The following GYPB variants were observed in gnomAD, a reference collection of about 807,000 sequenced individuals.
The protein encoded by GYPB is glycophorin B (MNS blood group), also known as glycophorin-B.
In GYPB, 13 loss-of-function variants were observed where a neutral mutation model predicts 15.3. The ratio of observed to expected loss-of-function variants is 0.85; its 90% CI spans 0.55 to 1.35. GYPB has a LOEUF of 1.35. GYPB is among the 40% of genes most tolerant of loss of function. The pLI is 0.00. For synonymous variants in GYPB, 38 were observed against 36.9 expected, an observed-to-expected ratio of 1.03 and a Z score of -0.11; for missense variants, 131 against 108.3, an observed-to-expected ratio of 1.21 and a Z score of -0.93.
At chr4:144,003,715 ACTT>A (rs1390341575) in intron 1 of GYPB, among the ~76,000 whole-genome samples, 1 of 151,404 alleles carries the variant, frequency 6.6e-6, no homozygotes, top group Non-Finnish European at 1.5e-5. Context: ...AAATAGGTAG[ACTT>A]CTTTGTTCTT....
intron 1 of GYPB, chr4:144,016,753 C>A (rs1026461147): frequency 2.3e-5 from 9 of 386,804 alleles, no homozygotes; most frequent in African/African-American, 1.7e-4. Context: ...GCTTCAGAAT[C>A]TGATTTTCAG....
At chr4:143,997,860 G>A (rs962785300) in intron 3 of GYPB, among the ~76,000 whole-genome samples, 2 of 151,316 alleles carry the variant, frequency 1.3e-5, no homozygotes, top group Non-Finnish European at 2.9e-5. Context: ...TCGCAAAATA[G>A]TTGATGACAG....
At position 143,999,360 on chromosome 4, in the gene GYPB, T is replaced by C. The variant is rs1579047336; in HGVS notation, c.175+51A>G. 1.4e-5 allele frequency: 13 copies of C among 950,622 alleles called. No homozygotes were observed. In the East Asian group the frequency reaches 2.9e-4, roughly 21 times the overall value. The allele number at this position is 950,622 out of a possible 1,614,324, so 58.9% of individuals were successfully genotyped here. The stretch of plus-strand genomic sequence containing the variant: ...TTTCTTAGGCATTTGAAACAAGCAA[T>C]GGATAGTTTAAAATGGAATGACTTT... On this transcript the variant is annotated intron_variant, in intron 3 of 4. Transcript: ENST00000502664.
At chr4:143,997,391 AAC>A in intron 4 of GYPB, 147 bp downstream of exon 4, 2 of 550,256 alleles carry the variant, frequency 3.6e-6, no homozygotes, top group Admixed American at 3.3e-5. Context: ...CTGCTAGAGA[AAC>A]ACAGTGACTT....
chr4:144,012,934 C>A (rs1263764178), intron 1 of GYPB, among the ~76,000 whole-genome samples: 5 of 151,214 alleles, frequency 3.3e-5, no homozygotes, highest in African/African-American at 1.2e-4. Flanking sequence ...GCGTAAGCAA[C>A]AAAAGAAAAA....
intron 2 of GYPB, 120 bp downstream of exon 2, chr4:144,001,065 T>C (rs1049748400): frequency 6.5e-7 from 1 of 1,531,804 alleles, no homozygotes; most frequent in African/African-American, 1.4e-5. Flanking sequence ...AGGCTGTGTC[T>C]ACTTAGCTCG....
intron 1 of GYPB, among the ~76,000 whole-genome samples, chr4:144,009,179 G>A (rs1728083187): frequency 6.6e-6 from 1 of 151,276 alleles, no homozygotes; most frequent in Non-Finnish European, 1.5e-5. Context: ...GAAACAGACA[G>A]AGTTGAACTG....
chr4:144,013,716 C>T (rs1182240972), intron 1 of GYPB, among the ~76,000 whole-genome samples: 2 of 121,616 alleles, frequency 1.6e-5, no homozygotes, highest in African/African-American at 6.6e-5. Flanking sequence ...GGGAATTGAA[C>T]AATGAGATCA....
At chr4:144,017,033 A>G (rs1390855253) in intron 1 of GYPB, 1 of 349,686 alleles carries the variant, frequency 2.9e-6, no homozygotes, top group African/African-American at 2.2e-5. Flanking sequence ...TTATTTTAAT[A>G]AGATAGTTGT....
At chr4:144,011,055 T>A (rs1728191518) in intron 1 of GYPB, among the ~76,000 whole-genome samples, 1 of 151,608 alleles carries the variant, frequency 6.6e-6, no homozygotes, top group African/African-American at 2.4e-5. Flanking sequence ...TGGTTTTGTG[T>A]TAAAAGACAG....
chr4:144,018,703 C>T (rs546832159), intron 1 of GYPB, among the ~76,000 whole-genome samples: 43 of 151,294 alleles, frequency 2.8e-4, no homozygotes, highest in East Asian at 9.6e-4. Flanking sequence ...AAAATTCACA[C>T]GACACCTAAG....
chr4:144,005,425 T>C (rs1312598240), intron 1 of GYPB, among the ~76,000 whole-genome samples: 5 of 151,978 alleles, frequency 3.3e-5, no homozygotes, highest in African/African-American at 1.2e-4. Context: ...CTGAGCTCCC[T>C]GGACATCCTA....
intron 4 of GYPB, among the ~76,000 whole-genome samples, chr4:143,997,183 A>G (rs1727367720): frequency 6.6e-6 from 1 of 151,234 alleles, no homozygotes. Flanking sequence ...TTTTAAACAT[A>G]TGTAAATATA....
At chr4:144,009,010 A>G (rs1255844967) in intron 1 of GYPB, among the ~76,000 whole-genome samples, 1 of 151,568 alleles carries the variant, frequency 6.6e-6, no homozygotes, top group African/African-American at 2.4e-5. Flanking sequence ...AGTATGGGAT[A>G]TTAGCCTGAA....
chr4:144,016,520 C>T lies in GYPB; in HGVS notation c.37+2731G>A, dbSNP rs551687872. ...CCAATATGCTACTATAAATACCAATCGGGAACTGTGCTAGATTCTGGGAAT... is the reference window on the plus strand; with the variant it reads ...CCAATATGCTACTATAAATACCAATTGGGAACTGTGCTAGATTCTGGGAAT... On this transcript the variant is annotated intron_variant, in intron 1 of 4. Transcript: ENST00000502664. 5.3e-5 allele frequency among the ~76,000 whole-genome samples: 8 copies of T among 150,968 alleles called. 1 individual carries two copies. The highest frequency in any genetic ancestry group is 7.4e-5 in the Non-Finnish European group (5 of 67,984).
intron 1 of GYPB, among the ~76,000 whole-genome samples, chr4:144,014,305 C>T (rs1728377625): frequency 6.6e-6 from 1 of 151,580 alleles, no homozygotes; most frequent in Non-Finnish European, 1.5e-5. Flanking sequence ...TTTATAGCAG[C>T]ACTATTCACA....
chr4:144,008,449 C>T (rs1728041526), intron 1 of GYPB: 1 of 455,122 alleles, frequency 2.2e-6, no homozygotes, highest in Non-Finnish European at 4.4e-6. Context: ...TGTAGGGTGA[C>T]CTGCAGTGGC....
intron 1 of GYPB, among the ~76,000 whole-genome samples, chr4:144,007,497 G>C (rs1447856337): frequency 1.3e-5 from 2 of 151,068 alleles, no homozygotes; most frequent in East Asian, 1.9e-4. Flanking sequence ...TTTTATCCTG[G>C]CTCTGTACTA....
At chr4:144,010,203 C>T (rs897864519) in intron 1 of GYPB, among the ~76,000 whole-genome samples, 1 of 151,320 alleles carries the variant, frequency 6.6e-6, no homozygotes, top group Non-Finnish European at 1.5e-5. Flanking sequence ...GTGGCTCATG[C>T]CTGTAAACCC....
Sources: gnomAD v4.1 joint callset for allele counts (sites outside exome capture counted in the v4.1 genomes callset) on GRCh38, gnomAD v4.1.1 for gene constraint, MANE v1.5 for transcripts, NCBI Gene and HGNC (gene_info 2026-07-23, HGNC 2026-07-21) for gene names.